ZNF804B: variants seen among roughly 807,000 people sequenced by gnomAD.
The protein encoded by ZNF804B is zinc finger protein 804B.
In ZNF804B, 80 loss-of-function variants were observed where a neutral mutation model predicts 101.4. The ratio of observed to expected loss-of-function variants is 0.79; its 90% confidence interval spans 0.66 to 0.95. The LOEUF is 0.95. Among genes scored for constraint, ZNF804B ranks in the 40% least tolerant of loss-of-function variants. ZNF804B has a pLI of 0.00. For synonymous variants in ZNF804B, 622 were observed against 558.8 expected, an observed-to-expected ratio of 1.11 and a Z score of -1.59; for missense variants, 1,673 against 1,561.9, an observed-to-expected ratio of 1.07 and a Z score of -1.20.
chr7:88,822,190 A>G (rs1278400654), intron 1 of ZNF804B, among the ~76,000 whole-genome samples: 1 of 152,152 alleles, frequency 6.6e-6, no homozygotes, highest in African/African-American at 2.4e-5. Flanking sequence ...AAGATCTTTT[A>G]CTAGTGCTAG....
intron 1 of ZNF804B, among the ~76,000 whole-genome samples, chr7:88,774,067 G>C (rs1367189460): frequency 2.0e-5 from 3 of 152,078 alleles, no homozygotes; most frequent in Non-Finnish European, 4.4e-5. Flanking sequence ...GATGGACTGA[G>C]ATAGTTATCT....
At chr7:88,980,905 T>C (rs1002793213) in intron 1 of ZNF804B, among the ~76,000 whole-genome samples, 2 of 152,064 alleles carry the variant, frequency 1.3e-5, no homozygotes, top group African/African-American at 4.8e-5. Flanking sequence ...TTCAGACCAG[T>C]GAGCTTCTCC....
chr7:89,335,943 TGA>T lies in ZNF804B; in HGVS notation c.2965_2966del (p.Ser989GlnfsTer3). Reference sequence around the variant, plus strand: ...TGTCTGAAAAAATACAGTATGCAAGTGAGAGCAGAAATGATCAAGACAGTGCA... The same window carrying T: ...TGTCTGAAAAAATACAGTATGCAAGTGAGCAGAAATGATCAAGACAGTGCA... ...PLSEKIQYAS[E>X]SRNDQDSAIP... On this transcript the variant is annotated frameshift_variant, in exon 4 of 4. Coordinates refer to ENST00000333190, the MANE Select transcript of ZNF804B (RefSeq NM_181646.5). LOFTEE classifies it high-confidence loss of function. 6.2e-7 allele frequency: 1 copy of T among 1,613,972 alleles called. No homozygotes were observed. Among genetic ancestry groups the T allele is most frequent in the Non-Finnish European group, 8.5e-7 (1 of 1,179,974 alleles).
intron 1 of ZNF804B, among the ~76,000 whole-genome samples, chr7:88,894,274 C>T (rs952949982): frequency 1.1e-4 from 16 of 150,768 alleles, no homozygotes; most frequent in Admixed American, 3.3e-4. Flanking sequence ...AGTGCAATGG[C>T]GCAATCTCAG....
chr7:88,764,613 T>C (rs1789952710), intron 1 of ZNF804B, among the ~76,000 whole-genome samples: 1 of 152,166 alleles, frequency 6.6e-6, no homozygotes, highest in Non-Finnish European at 1.5e-5. Flanking sequence ...ATGAACTACC[T>C]TGAAGATACA....
chr7:89,301,876 A>G (rs1311398558), intron 2 of ZNF804B, among the ~76,000 whole-genome samples: 1 of 151,878 alleles, frequency 6.6e-6, no homozygotes, highest in Non-Finnish European at 1.5e-5. Flanking sequence ...ACTAAAAATT[A>G]AATAAGATCT....
intron 1 of ZNF804B, among the ~76,000 whole-genome samples, chr7:89,182,914 A>G (rs1584037625): frequency 6.6e-6 from 1 of 152,310 alleles, no homozygotes; most frequent in African/African-American, 2.4e-5. Flanking sequence ...GTTAAATTCT[A>G]GCAAGATACT....
intron 1 of ZNF804B, among the ~76,000 whole-genome samples, chr7:88,841,933 GT>G (rs2115806888): frequency 6.6e-6 from 1 of 152,244 alleles, no homozygotes; most frequent in South Asian, 2.1e-4. Context: ...GAATTTATCA[GT>G]TGCCTACTAG....
intron 1 of ZNF804B, among the ~76,000 whole-genome samples, chr7:88,913,955 T>A (rs1277945711): frequency 6.6e-6 from 1 of 152,160 alleles, no homozygotes; most frequent in Non-Finnish European, 1.5e-5. Flanking sequence ...TGAGCAAAGT[T>A]GCCATGGGAA....
chr7:88,854,539 C>T lies in ZNF804B; in HGVS notation c.108+94455C>T, dbSNP rs1434575989. On this transcript the variant is annotated intron_variant, in intron 1 of 3. Coordinates refer to ENST00000333190, the MANE Select transcript of ZNF804B (RefSeq NM_181646.5). ...TTCCTTTCCTTCCTTTCCTTCCTTCCTTCCTTCCTTCCTTCCTTCCTTCCT... is the reference window on the plus strand; with the variant it reads ...TTCCTTTCCTTCCTTTCCTTCCTTCTTTCCTTCCTTCCTTCCTTCCTTCCT... 6.8e-5 allele frequency among the ~76,000 whole-genome samples: 5 copies of T among 73,620 alleles called. No homozygotes were observed. The Admixed American group carries it at 7.0e-4, about 10-fold the overall frequency. 48.3% of individuals were successfully genotyped at this position (73,620 alleles called of 152,430 possible).
intron 1 of ZNF804B, among the ~76,000 whole-genome samples, chr7:89,068,637 G>T (rs377406724): frequency 9.2e-5 from 14 of 152,290 alleles, no homozygotes; most frequent in African/African-American, 3.1e-4. Flanking sequence ...TTATAAACGG[G>T]AGATGCTATA....
chr7:89,131,118 T>C (rs1790540325), intron 1 of ZNF804B, among the ~76,000 whole-genome samples: 1 of 152,040 alleles, frequency 6.6e-6, no homozygotes, highest in Admixed American at 6.6e-5. Flanking sequence ...GAAGTTCATG[T>C]ATCTGAGATC....
intron 1 of ZNF804B, among the ~76,000 whole-genome samples, chr7:89,004,365 A>G (rs1171301511): frequency 6.6e-6 from 1 of 151,910 alleles, no homozygotes; most frequent in Non-Finnish European, 1.5e-5. Context: ...TTATTCATAT[A>G]AAGTATGATC....
intron 1 of ZNF804B, among the ~76,000 whole-genome samples, chr7:88,901,951 T>C (rs1792397810): frequency 6.6e-6 from 1 of 151,908 alleles, no homozygotes; most frequent in Non-Finnish European, 1.5e-5. Context: ...ATTACAATTC[T>C]AGAGGAAGCC....
chr7:89,103,262 A>T (rs1195881390), intron 1 of ZNF804B, among the ~76,000 whole-genome samples: 2 of 151,274 alleles, frequency 1.3e-5, no homozygotes, highest in East Asian at 3.9e-4. Flanking sequence ...ATTCTGAGAA[A>T]AATGATGTTG....
intron 2 of ZNF804B, among the ~76,000 whole-genome samples, chr7:89,248,313 G>T (rs969221246): frequency 6.6e-6 from 1 of 152,036 alleles, no homozygotes. Context: ...TCACCAGTCT[G>T]TTCACGGTGA....
Position 88,968,532 on chromosome 7 carries a change from A to G in ZNF804B, c.108+208448A>G, listed in dbSNP as rs116727395. Among the ~76,000 whole-genome samples the G allele has an allele frequency of 1.9e-3, 290 of 151,782 alleles. 2 individuals carry two copies. Among genetic ancestry groups the G allele is most frequent in the African/African-American group, 6.7e-3 (279 of 41,498 alleles). On this transcript the variant is annotated intron_variant, in intron 1 of 3. Transcript: ENST00000333190. The stretch of plus-strand genomic sequence containing the variant: ...TGTGTTTTCATGTCTTTCTTTGCCT[A>G]CAAGATTGTGTTGAGACTGATATGG...
Position 89,071,475 on chromosome 7 carries a change from A to G in ZNF804B, c.109-146680A>G, listed in dbSNP as rs185305340. On this transcript the variant is annotated intron_variant, in intron 1 of 3. Transcript: ENST00000333190. ...TTTCACGTGATTGAGAGGTAAGGAC[A>G]CTCACCCAAAGGCATAGTTATAAAA... Among the ~76,000 whole-genome samples the G allele has an allele frequency of 4.7e-4, 72 of 152,266 alleles. No homozygotes were observed. In the East Asian group the frequency reaches 0.014, roughly 29 times the overall value.
intron 1 of ZNF804B, among the ~76,000 whole-genome samples, chr7:88,817,732 C>G (rs1790907202): frequency 6.6e-6 from 1 of 152,088 alleles, no homozygotes; most frequent in Admixed American, 6.5e-5. Context: ...TATCAACATC[C>G]ATAATTGACT....
Sources: gnomAD v4.1 joint callset for allele counts (sites outside exome capture counted in the v4.1 genomes callset) on GRCh38, gnomAD v4.1.1 for gene constraint, MANE v1.5 for transcripts, NCBI Gene and HGNC (gene_info 2026-07-23, HGNC 2026-07-21) for gene names.